Variants in COL2A1 observed in about 807,000 individuals in gnomAD.
COL2A1 encodes collagen type II alpha 1 chain, also known as collagen alpha-1(II) chain.
COL2A1 carries 28 observed loss-of-function variants against 204.5 expected under a neutral mutation model. The observed-to-expected ratio is 0.14, with a 90% confidence interval of 0.10 to 0.19. The LOEUF is 0.19. Ranked by LOEUF, COL2A1 falls within the 10% of genes least tolerant of loss-of-function variation. The pLI, the probability that COL2A1 is intolerant of heterozygous loss-of-function variation, is 1.00. For synonymous variants in COL2A1, 708 were observed against 718.7 expected, an observed-to-expected ratio of 0.99 and a Z score of 0.24; for missense variants, 1,388 against 2,027.5, an observed-to-expected ratio of 0.68 and a Z score of 6.06.
intron 28 of COL2A1, 110 bp downstream of exon 28, chr12:47,984,436 C>T: frequency 2.6e-6 from 3 of 1,137,218 alleles, no homozygotes; most frequent in Non-Finnish European, 3.9e-6. Context: ...CAGAGATCAA[C>T]ACTCAATACT....
Position 47,975,420 on chromosome 12 carries a change from G to A in COL2A1, c.3783C>T (p.Ser1261=), listed in dbSNP as rs1175688465. 2 of 1,614,074 alleles carry A rather than the reference G, an allele frequency of 1.2e-6. No individual in the cohort carries two copies. Among genetic ancestry groups the A allele is most frequent in the Non-Finnish European group, 1.7e-6 (2 of 1,180,030 alleles). ...GGATGCTCTCAATCTGGTTGTTGAGGGACTTGAGTGTGGCATCCACCTCGG... is the reference window on the plus strand; with the variant it reads ...GGATGCTCTCAATCTGGTTGTTGAGAGACTTGAGTGTGGCATCCACCTCGG... ...HDAEVDATLK[S]LNNQIESIRS... The change falls in exon 51 of 54, where the codon TCC becomes TCT. Residue 1261 remains serine, a synonymous_variant. Coordinates refer to ENST00000380518, the MANE Select transcript of COL2A1 (RefSeq NM_001844.5).
In COL2A1 at chr12:47,987,368, C is replaced by T; in HGVS notation, c.1222-55G>A. ...GCAAAGAATGAACCCCAACCACCTC[C>T]AGCCCTCCAGGATCCAGATCCAGGG... On this transcript the variant is annotated intron_variant, in intron 19 of 53. Transcript: ENST00000380518. This position sits in a 1 kb window ranked among gnomAD's most constrained non-coding sequence, Gnocchi z 4.1. 1 of 1,585,718 alleles carries T rather than the reference C, an allele frequency of 6.3e-7. No homozygotes were observed. Among genetic ancestry groups the T allele is most frequent in the South Asian group, 1.1e-5 (1 of 89,976 alleles).
At chr12:47,974,976 G>T in intron 51 of COL2A1, 114 bp from the exon 52 acceptor site, 1 of 1,124,530 alleles carries the variant, frequency 8.9e-7, no homozygotes, top group Non-Finnish European at 1.3e-6. Flanking sequence ...CAAGGGATGA[G>T]GTTCACATGT....
At chr12:47,992,678 G>A (rs754607765) in intron 16 of COL2A1, among the ~76,000 whole-genome samples, 200 bp downstream of exon 16, 2 of 152,080 alleles carry the variant, frequency 1.3e-5, no homozygotes, top group South Asian at 2.1e-4. Context: ...TTCACCCATC[G>A]ACCCTCCCAT....
At position 47,998,078 on chromosome 12, in the gene COL2A1, C is replaced by G; in HGVS notation, c.343-14G>C. On this transcript the variant is annotated splice_polypyrimidine_tract_variant and intron_variant, in intron 4 of 53. Coordinates refer to ENST00000380518, the MANE Select transcript of COL2A1 (RefSeq NM_001844.5). Reference sequence around the variant, plus strand: ...GGGTCCTACAATCTGTGAGAGAGAGCCCCACAGGATGGTAAGTTAGAGGAG... The same window carrying G: ...GGGTCCTACAATCTGTGAGAGAGAGGCCCACAGGATGGTAAGTTAGAGGAG... 1 of 1,614,164 alleles carries G rather than the reference C, an allele frequency of 6.2e-7. No homozygotes were observed.
chr12:47,976,673 C>T lies in COL2A1; in HGVS notation c.3436-106G>A. 1.4e-6 allele frequency: 2 copies of T among 1,387,752 alleles called. No individual in the cohort carries two copies. Among genetic ancestry groups the T allele is most frequent in the Non-Finnish European group, 2.0e-6 (2 of 985,582 alleles). The allele number at this position is 1,387,752 out of a possible 1,614,324, so 86.0% of individuals were successfully genotyped here. ...ATGTCCCAGCCCCATTCCCTTTCCA[C>T]TTCCTCCTCCCTCCAGCCCTGAGGA... On this transcript the variant is annotated intron_variant, in intron 48 of 53. Transcript: ENST00000380518. This position sits in a 1 kb window ranked among gnomAD's most constrained non-coding sequence, Gnocchi z 4.3.
Position 47,974,165 on chromosome 12 carries a change from T to C in COL2A1, c.4241A>G (p.Gln1414Arg), listed in dbSNP as rs1327296939. ...AGNLKKALLI[Q>R]GSNDVEIRAE... ...CCGGATCTCCACGTCATTGGAGCCC[T>C]GGATGAGCAGGGCCTTCTTGAGGTT... The change falls in exon 53 of 54, where the codon CAG becomes CGG. Residue 1414 changes from glutamine (Q) to arginine (R), a missense_variant. Physicochemically the swap from Gln to Arg is conservative, Grantham distance 43. This residue lies in a region of COL2A1 where 303 missense variants were observed against 369.2 expected (regional missense o/e 0.82). Coordinates refer to ENST00000380518, the MANE Select transcript of COL2A1 (RefSeq NM_001844.5). 1 of 1,614,234 alleles carries C rather than the reference T, an allele frequency of 6.2e-7. No individual in the cohort carries two copies. Among genetic ancestry groups the C allele is most frequent in the Non-Finnish European group, 8.5e-7 (1 of 1,180,040 alleles).
At chr12:47,975,721 G>T in intron 50 of COL2A1, 116 bp from the exon 51 acceptor site, 2 of 1,184,642 alleles carry the variant, frequency 1.7e-6, no homozygotes, top group Non-Finnish European at 2.4e-6. Context: ...GGGTGGGGCG[G>T]AGGTGTAGCA....
Position 47,985,081 on chromosome 12 carries a change from C to T in COL2A1, c.1747G>A (p.Glu583Lys), listed in dbSNP as rs1939319783. The T allele has an allele frequency of 6.2e-7, 1 of 1,613,358 alleles. No homozygotes were observed. Among genetic ancestry groups the T allele is most frequent in the Non-Finnish European group, 8.5e-7 (1 of 1,179,698 alleles). The change falls in exon 27 of 54, where the codon GAA (glutamate) becomes AAA (lysine). Residue 583 changes from glutamate (E) to lysine (K), a missense_variant. By Grantham distance (56) the Glu-to-Lys change is moderately conservative. Coordinates refer to ENST00000380518, the MANE Select transcript of COL2A1 (RefSeq NM_001844.5). ...GKVGPSGAPGEDGRPGPPGPQ... is the reference protein window; with the variant it reads ...GKVGPSGAPGKDGRPGPPGPQ... Reference sequence around the variant, plus strand: ...CCTGGAGGTCCAGGACGACCATCTTCACCAGGGGCTCCCTGAAAGACAGAA... The same window carrying T: ...CCTGGAGGTCCAGGACGACCATCTTTACCAGGGGCTCCCTGAAAGACAGAA...
intron 2 of COL2A1, 108 bp downstream of exon 2, chr12:47,999,811 G>A: frequency 1.0e-6 from 1 of 966,802 alleles, no homozygotes; most frequent in Non-Finnish European, 1.6e-6. Context: ...AGGTCCCATG[G>A]ATAACTAGCC....
intron 16 of COL2A1, among the ~76,000 whole-genome samples, chr12:47,990,431 A>G (rs1486420618): frequency 6.6e-6 from 1 of 152,242 alleles, no homozygotes; most frequent in Non-Finnish European, 1.5e-5. Flanking sequence ...GTGTAAGGAA[A>G]TGAAACAGCG....
At chr12:47,979,758 C>A (rs1360154817) in intron 40 of COL2A1, among the ~76,000 whole-genome samples, 194 bp from the exon 41 acceptor site, 1 of 152,198 alleles carries the variant, frequency 6.6e-6, no homozygotes, top group Non-Finnish European at 1.5e-5. Flanking sequence ...TGTTTCCCTG[C>A]CTCCGGTTTC....
At position 47,977,997 on chromosome 12, in the gene COL2A1, T is replaced by A. The variant is rs755453553; in HGVS notation, c.3111+13A>T. The A allele has an allele frequency of 1.7e-5, 27 of 1,610,964 alleles. 1 individual carries two copies. In the South Asian group the frequency reaches 3.0e-4, roughly 18 times the overall value. On this transcript the variant is annotated intron_variant, in intron 44 of 53. Transcript: ENST00000380518. The stretch of plus-strand genomic sequence containing the variant: ...CCCCAATCAGGGCCACCCCAGGGGG[T>A]CTCACTGCTCACCTCTCGTCCAGGT...
intron 37 of COL2A1, 43 bp downstream of exon 37, chr12:47,981,300 A>T: frequency 6.2e-7 from 1 of 1,601,336 alleles, no homozygotes; most frequent in East Asian, 2.2e-5. Flanking sequence ...TCTGGTTCCC[A>T]GGGGCCTCGG....
rs550866874 is a variant in COL2A1, at chr12:47,976,379, G to A, written c.3489+135C>T. On this transcript the variant is annotated intron_variant, in intron 49 of 53. Coordinates refer to ENST00000380518, the MANE Select transcript of COL2A1 (RefSeq NM_001844.5). The surrounding 1 kb of genome is among the most constrained non-coding windows in gnomAD (Gnocchi z 4.3). ...TTTCTGGCCATAGGCACATGAGCCA[G>A]TCCTGCCCCCATTACTGAGTGAGGA... 9.9e-7 allele frequency: 1 copy of A among 1,006,614 alleles called. No homozygotes were observed. Among genetic ancestry groups the A allele is most frequent in the East Asian group, 2.5e-5 (1 of 40,206 alleles). 62.4% of individuals were successfully genotyped at this position (1,006,614 alleles called of 1,614,324 possible).
chr12:47,992,265 G>A (rs535941928), intron 16 of COL2A1, among the ~76,000 whole-genome samples: 1 of 152,064 alleles, frequency 6.6e-6, no homozygotes, highest in East Asian at 1.9e-4. Flanking sequence ...AGAGTCTAAG[G>A]CTGCAAGGCA....
chr12:47,999,839 C>T (rs765749830), intron 2 of COL2A1, 80 bp downstream of exon 2: 47 of 1,289,640 alleles, frequency 3.6e-5, no homozygotes, highest in Admixed American at 7.1e-5. Flanking sequence ...TTTGCAGAGA[C>T]GACCAGCATC....
chr12:48,000,272 T>TA, intron 1 of COL2A1, 147 bp from the exon 2 acceptor site: 1 of 655,966 alleles, frequency 1.5e-6, no homozygotes, highest in Non-Finnish European at 2.8e-6. Context: ...ATATAGAACT[T>TA]AAAAATTATT....
At chr12:47,974,535 T>G in intron 52 of COL2A1, 140 bp downstream of exon 52, 1 of 1,247,796 alleles carries the variant, frequency 8.0e-7, no homozygotes, top group Non-Finnish European at 1.2e-6. Context: ...AAAATACTTT[T>G]CCTCCTCTTT....
Sources: allele counts gnomAD v4.1 joint callset (sites outside exome capture counted in the v4.1 genomes callset), GRCh38; gene constraint gnomAD v4.1.1; regional missense constraint gnomAD v4.1.1; non-coding constraint Gnocchi (gnomAD v3.1); transcripts MANE v1.5; gene names NCBI Gene and HGNC (gene_info 2026-07-23, HGNC 2026-07-21).